DTNA: variants seen among roughly 807,000 people sequenced by gnomAD.
DTNA encodes the protein dystrobrevin alpha, also known as dystrophin-related protein 3.
DTNA carries 43 observed loss-of-function variants against 100.7 expected under a neutral mutation model. The observed-to-expected ratio is 0.43, with a 90% CI of 0.33 to 0.55. DTNA has a LOEUF of 0.55. DTNA is among the 20% of genes least tolerant of loss of function. DTNA has a pLI of 0.04. For missense variants in DTNA, 798 were observed against 953.9 expected (o/e 0.84, Z 2.15); for synonymous variants, 349 against 347.9 (o/e 1.00, Z -0.04).
intron 1 of DTNA, among the ~76,000 whole-genome samples, chr18:34,747,613 G>A (rs2091811822): frequency 6.6e-6 from 1 of 152,092 alleles, no homozygotes; most frequent in Non-Finnish European, 1.5e-5. Flanking sequence ...CCATTCCTAA[G>A]TTACTTCACT....
intron 1 of DTNA, among the ~76,000 whole-genome samples, chr18:34,692,595 T>C (rs2079930745): frequency 6.6e-6 from 1 of 152,244 alleles, no homozygotes; most frequent in African/African-American, 2.4e-5. Flanking sequence ...GTAAGCTATT[T>C]ATAACTGCAC....
At position 34,887,917 on chromosome 18, in the gene DTNA, C is replaced by T; in HGVS notation, c.*183C>T. On this transcript the variant is annotated 3_prime_UTR_variant, in exon 23 of 23. Transcript: ENST00000444659. The stretch of plus-strand genomic sequence containing the variant: ...CCCAGCAGCTCCTGACAGACCCCCA[C>T]CCCTAAAGATGTGTCCTGATGACTA... 1 of 986,686 alleles carries T rather than the reference C, an allele frequency of 1.0e-6. No homozygotes were observed. The highest frequency in any genetic ancestry group is 1.2e-6 in the Non-Finnish European group (1 of 830,158). 61.1% of individuals were successfully genotyped at this position (986,686 alleles called of 1,614,324 possible).
intron 22 of DTNA, among the ~76,000 whole-genome samples, chr18:34,887,209 G>A (rs2096929503): frequency 6.6e-6 from 1 of 152,126 alleles, no homozygotes; most frequent in Non-Finnish European, 1.5e-5. Flanking sequence ...TTTAAAACCT[G>A]GTTTATTGGT....
At chr18:34,563,271 G>A (rs2046800231) in intron 1 of DTNA, among the ~76,000 whole-genome samples, 1 of 152,196 alleles carries the variant, frequency 6.6e-6, no homozygotes, top group South Asian at 2.1e-4. Flanking sequence ...GGCAGACATT[G>A]GAGTTAGGCT....
chr18:34,595,296 A>T (rs1176113249), intron 1 of DTNA, among the ~76,000 whole-genome samples: 4 of 152,246 alleles, frequency 2.6e-5, no homozygotes, highest in African/African-American at 9.6e-5. Context: ...CCTTTTATGT[A>T]ACTAATATGT....
intron 1 of DTNA, among the ~76,000 whole-genome samples, chr18:34,718,737 A>G (rs989045113): frequency 1.3e-5 from 2 of 152,220 alleles, no homozygotes; most frequent in African/African-American, 4.8e-5. Context: ...GAGTATGGGC[A>G]TTAGTCTGAC....
At chr18:34,672,004 C>T (rs1331159940) in intron 1 of DTNA, among the ~76,000 whole-genome samples, 1 of 152,180 alleles carries the variant, frequency 6.6e-6, no homozygotes, top group African/African-American at 2.4e-5. Flanking sequence ...ACCTTTGACA[C>T]ATTTTTACTT....
At position 34,890,544 on chromosome 18, in the gene DTNA, T is replaced by A. The variant is rs1003859010; in HGVS notation, c.*2810T>A. On this transcript the variant is annotated 3_prime_UTR_variant, in exon 23 of 23. Transcript: ENST00000444659. The stretch of plus-strand genomic sequence containing the variant: ...ACAATGAATTGCACATCCATCTCCA[T>A]CAGAGCTGATAGCCTGTTAATAAGC... The A allele has an allele frequency of 3.4e-6, 5 of 1,488,454 alleles. No individual in the cohort carries two copies. The highest frequency in any genetic ancestry group is 3.6e-6 in the Non-Finnish European group (4 of 1,112,440). 92.2% of individuals were successfully genotyped at this position (1,488,454 alleles called of 1,614,324 possible).
At chr18:34,703,752 C>T (rs1234140545) in intron 1 of DTNA, among the ~76,000 whole-genome samples, 4 of 152,198 alleles carry the variant, frequency 2.6e-5, no homozygotes, top group African/African-American at 4.8e-5. Context: ...TGTTCAATTA[C>T]TAGATGGACC....
intron 1 of DTNA, among the ~76,000 whole-genome samples, chr18:34,505,624 C>T (rs996209331): frequency 1.3e-5 from 2 of 151,962 alleles, no homozygotes; most frequent in Non-Finnish European, 2.9e-5. Context: ...GCTCTTGAGC[C>T]CACCCACTGA....
intron 1 of DTNA, among the ~76,000 whole-genome samples, chr18:34,573,264 G>A (rs1399193020): frequency 6.6e-6 from 1 of 152,200 alleles, no homozygotes; most frequent in Non-Finnish European, 1.5e-5. Context: ...AAAGCAGAAA[G>A]CTACACACAT....
intron 1 of DTNA, among the ~76,000 whole-genome samples, chr18:34,521,712 C>T (rs568347192): frequency 9.9e-4 from 151 of 152,278 alleles, no homozygotes; most frequent in Middle Eastern, 3.4e-3. Context: ...TCCACATCTC[C>T]GCGGCTTACT....
intron 1 of DTNA, among the ~76,000 whole-genome samples, chr18:34,656,554 A>T (rs2074401507): frequency 6.6e-6 from 1 of 152,268 alleles, no homozygotes; most frequent in South Asian, 2.1e-4. Context: ...TTTTACTTTC[A>T]TATTGAAGTT....
chr18:34,534,623 C>T (rs1350386936), intron 1 of DTNA, among the ~76,000 whole-genome samples: 1 of 151,978 alleles, frequency 6.6e-6, no homozygotes, highest in Non-Finnish European at 1.5e-5. Context: ...TGGTATTTGT[C>T]CTAATGCTCT....
At chr18:34,598,793 G>C (rs1336919012) in intron 1 of DTNA, among the ~76,000 whole-genome samples, 1 of 152,092 alleles carries the variant, frequency 6.6e-6, no homozygotes, top group Non-Finnish European at 1.5e-5. Context: ...ATGAACCTGG[G>C]AGGTGGAGCT....
At chr18:34,604,484 A>G (rs2052593224) in intron 1 of DTNA, among the ~76,000 whole-genome samples, 1 of 152,194 alleles carries the variant, frequency 6.6e-6, no homozygotes, top group South Asian at 2.1e-4. Flanking sequence ...TTTTATAGCA[A>G]GAGGATCTGA....
chr18:34,756,293 C>T (rs1018961142), intron 2 of DTNA, among the ~76,000 whole-genome samples: 2 of 152,132 alleles, frequency 1.3e-5, no homozygotes, highest in Non-Finnish European at 2.9e-5. Context: ...TATATATTTA[C>T]ATTCACACAT....
At chr18:34,721,326 T>A (rs1020155001) in intron 1 of DTNA, among the ~76,000 whole-genome samples, 16 of 152,210 alleles carry the variant, frequency 1.1e-4, no homozygotes, top group African/African-American at 3.9e-4. Flanking sequence ...CCTTTAAACA[T>A]ACTTTCAAGG....
At chr18:34,834,824 G>A (rs192522851) in intron 11 of DTNA, among the ~76,000 whole-genome samples, 2 of 152,256 alleles carry the variant, frequency 1.3e-5, no homozygotes, top group Admixed American at 6.5e-5. Context: ...TTCCAACATT[G>A]AGGATCAAAT....
Sources: allele counts gnomAD v4.1 joint callset (sites outside exome capture counted in the v4.1 genomes callset), GRCh38; gene constraint gnomAD v4.1.1; transcripts MANE v1.5; gene names NCBI Gene and HGNC (gene_info 2026-07-23, HGNC 2026-07-21).